The following CYP4A11 variants were observed in gnomAD, a reference collection of about 807,000 sequenced individuals.
CYP4A11 encodes the protein cytochrome P450 4A11.
CYP4A11 carries 52 observed loss-of-function variants against 57.7 expected under a neutral mutation model. That is an observed-to-expected ratio of 0.90 (90% CI 0.72 to 1.14). The LOEUF (loss-of-function observed/expected upper bound fraction) is 1.14. Among genes scored for constraint, CYP4A11 ranks in the 50% most tolerant of loss-of-function variants. The pLI, the probability that CYP4A11 is intolerant of heterozygous loss-of-function variation, is 0.00. For missense variants in CYP4A11, 641 were observed against 642.1 expected, an observed-to-expected ratio of 1.00 and a Z score of 0.02; for synonymous variants, 228 against 247.1, an observed-to-expected ratio of 0.92 and a Z score of 0.72.
chr1:46,940,065 C>G (rs757220321), intron 1 of CYP4A11, among the ~76,000 whole-genome samples: 61 of 151,754 alleles, frequency 4.0e-4, no homozygotes, highest in Non-Finnish European at 7.4e-4. Context: ...TTTACCTGCT[C>G]TGTTCCTACC....
chr1:46,936,709 C>A lies in CYP4A11; in HGVS notation c.465G>T (p.Leu155=), dbSNP rs753186067. Reference sequence around the variant, plus strand: ...CTGCCATGAGCCCCACATAGGGCTTCAGGATGTCATAGTGGAAGGCTGGGG... The same window carrying A: ...CTGCCATGAGCCCCACATAGGGCTTAAGGATGTCATAGTGGAAGGCTGGGG... The part of the protein sequence containing the change: ...MLTPAFHYDI[L]KPYVGLMADS... Residue 155 remains leucine, a synonymous_variant, in exon 4 of 12, where the codon CTG becomes CTT. Coordinates refer to ENST00000310638, the MANE Select transcript of CYP4A11 (RefSeq NM_000778.4). 19 of 1,613,762 alleles carry A rather than the reference C, an allele frequency of 1.2e-5. No individual in the cohort carries two copies. The highest frequency in any genetic ancestry group is 1.6e-5 in the Non-Finnish European group (19 of 1,179,878).
At position 46,938,157 on chromosome 1, in the gene CYP4A11, G is replaced by A; in HGVS notation, c.196-20C>T. Reference sequence around the variant, plus strand: ...TTGGAGCTGTCAACAAGGGTAGACAGATGAACACTTTCATTTACTTCTAGT... The same window carrying A: ...TTGGAGCTGTCAACAAGGGTAGACAAATGAACACTTTCATTTACTTCTAGT... On this transcript the variant is annotated intron_variant, in intron 1 of 11. Transcript: ENST00000310638. The A allele has an allele frequency of 6.2e-7, 1 of 1,614,076 alleles. No individual in the cohort carries two copies. Among genetic ancestry groups the A allele is most frequent in the Non-Finnish European group, 8.5e-7 (1 of 1,179,934 alleles).
Position 46,934,116 on chromosome 1 carries a change from G to C in CYP4A11, c.1089-37C>G. On this transcript the variant is annotated intron_variant, in intron 8 of 11. Coordinates refer to ENST00000310638, the MANE Select transcript of CYP4A11 (RefSeq NM_000778.4). Reference sequence around the variant, plus strand: ...CCATCCTGAACACCAGCAAGGCCTGGGCAGACCAGGGGCCCCTGTGGAGAA... The same window carrying C: ...CCATCCTGAACACCAGCAAGGCCTGCGCAGACCAGGGGCCCCTGTGGAGAA... The C allele has an allele frequency of 1.9e-6, 3 of 1,610,340 alleles. No homozygotes were observed. The South Asian group carries it at 3.3e-5, about 18-fold the overall frequency.
Position 46,940,833 on chromosome 1 carries a change from G to A in CYP4A11, c.195+406C>T, listed in dbSNP as rs565949821. 4.1e-6 allele frequency: 4 copies of A among 985,344 alleles called. No homozygotes were observed. The South Asian group carries it at 1.9e-4, about 46-fold the overall frequency. The allele number at this position is 985,344 out of a possible 1,614,324, so 61.0% of individuals were successfully genotyped here. A position where few individuals can be genotyped will look rare whatever the true frequency, so the allele number is the denominator to read the frequency against. ...CCTCATGGCATGGATTCCTCAGATG[G>A]GTGTCTGTGCTCCCTGGCAAACACA... On this transcript the variant is annotated intron_variant, in intron 1 of 11. Transcript: ENST00000310638.
At position 46,934,492 on chromosome 1, in the gene CYP4A11, C is replaced by A; in HGVS notation, c.858G>T (p.Lys286Asn). The A allele has an allele frequency of 1.9e-6, 3 of 1,613,920 alleles. No homozygotes were observed. The highest frequency in any genetic ancestry group is 1.7e-4 in the Middle Eastern group (1 of 6,056). The change falls in exon 7 of 12, where the codon AAG becomes AAT. Residue 286 changes from lysine (K) to asparagine (N), a missense_variant. Transcript: ENST00000310638. Reference sequence around the variant, plus strand: ...GGATATCCAGAAAATCCAAATGCCTCTTCCTCTTGATCTTCTCCAGCTCCC... The same window carrying A: ...GGATATCCAGAAAATCCAAATGCCTATTCCTCTTGATCTTCTCCAGCTCCC... ...KEGELEKIKRKRHLDFLDILL... is the reference protein window; with the variant it reads ...KEGELEKIKRNRHLDFLDILL...
At chr1:46,939,174 C>G (rs1002944601) in intron 1 of CYP4A11, among the ~76,000 whole-genome samples, 1 of 152,236 alleles carries the variant, frequency 6.6e-6, no homozygotes, top group African/African-American at 2.4e-5. Context: ...ATCAAAGCAA[C>G]TGTCTACCAC....
intron 1 of CYP4A11, chr1:46,940,993 A>G (rs1180516465): frequency 3.1e-5 from 31 of 985,348 alleles, no homozygotes; most frequent in Non-Finnish European, 3.7e-5. Flanking sequence ...CAGGACTGCC[A>G]AGACACACTT....
rs537240596 is a variant in CYP4A11 at position 46,929,878 on chromosome 1, G to A, written c.*237C>T. 234 of 516,330 alleles carry A rather than the reference G, an allele frequency of 4.5e-4. No individual in the cohort carries two copies. The South Asian group carries it at 7.4e-3, about 16-fold the overall frequency. The allele number at this position is 516,330 out of a possible 1,614,324, so 32.0% of individuals were successfully genotyped here. On this transcript the variant is annotated 3_prime_UTR_variant, in exon 12 of 12. Coordinates refer to ENST00000310638, the MANE Select transcript of CYP4A11 (RefSeq NM_000778.4). The stretch of plus-strand genomic sequence containing the variant: ...TACATTATGTCAGACATGCAAGCTC[G>A]GCCTCAGCTTCTCCCAACACTCAGC...
chr1:46,931,922 T>A, intron 11 of CYP4A11: 1 of 984,126 alleles, frequency 1.0e-6, no homozygotes, highest in Non-Finnish European at 1.2e-6. Context: ...AAAAGCAATT[T>A]CAAGTGTGTT....
rs1400486144 is a variant in CYP4A11 at position 46,941,403 on chromosome 1, G to T, written c.31C>A (p.Leu11Ile). 1.9e-6 allele frequency: 3 copies of T among 1,614,168 alleles called. No homozygotes were observed. The Admixed American group carries it at 5.0e-5, about 27-fold the overall frequency. The change falls in exon 1 of 12, where the codon CTC (leucine) becomes ATC (isoleucine). Residue 11 changes from leucine (L) to isoleucine (I), a missense_variant. By Grantham distance (5) the Leu-to-Ile change is conservative (BLOSUM62 2). Coordinates refer to ENST00000310638, the MANE Select transcript of CYP4A11 (RefSeq NM_000778.4). The part of the protein sequence containing the change: MSVSVLSPSR[L>I]LGDVSGILQA... ...AGGATTCCAGAGACATCACCCAGGA[G>T]TCTGCTGGGGCTCAGCACAGAGACA... is the stretch of plus-strand genomic sequence containing the variant.
chr1:46,938,242 T>A (rs1681540984), intron 1 of CYP4A11, 105 bp from the exon 2 acceptor site: 2 of 1,470,338 alleles, frequency 1.4e-6, no homozygotes, highest in African/African-American at 2.8e-5. Context: ...AGGTTAGGGA[T>A]TTAGATCTGT....
rs866228210 is a variant in CYP4A11 at position 46,938,154 on chromosome 1, A to C, written c.196-17T>G. ...CTGTTGGAGCTGTCAACAAGGGTAG[A>C]CAGATGAACACTTTCATTTACTTCT... On this transcript the variant is annotated splice_polypyrimidine_tract_variant and intron_variant, in intron 1 of 11. Coordinates refer to ENST00000310638, the MANE Select transcript of CYP4A11 (RefSeq NM_000778.4). 9 of 1,614,100 alleles carry C rather than the reference A, an allele frequency of 5.6e-6. No homozygotes were observed. In the Middle Eastern group the frequency reaches 1.5e-3, roughly 266 times the overall value.
chr1:46,940,071 C>T (rs1237694734), intron 1 of CYP4A11, among the ~76,000 whole-genome samples: 1 of 151,500 alleles, frequency 6.6e-6, no homozygotes, highest in Non-Finnish European at 1.5e-5. Context: ...TGCTCTGTTC[C>T]TACCCGCCCC....
At position 46,930,341 on chromosome 1, in the gene CYP4A11, G is replaced by T. The variant is rs768434008; in HGVS notation, c.1365-31C>A. On this transcript the variant is annotated intron_variant, in intron 11 of 11. Transcript: ENST00000310638. ...CCAGGTGGAGATAATGAATTGAGAA[G>T]TGTCCTCAGGCCCCATTCTGATCTG... The T allele has an allele frequency of 2.5e-6, 4 of 1,592,668 alleles. No homozygotes were observed. In the East Asian group the frequency reaches 6.7e-5, roughly 27 times the overall value.
chr1:46,936,966 T>C (rs977055290), intron 3 of CYP4A11, among the ~76,000 whole-genome samples, 175 bp from the exon 4 acceptor site: 5 of 152,152 alleles, frequency 3.3e-5, no homozygotes, highest in African/African-American at 4.8e-5. Flanking sequence ...AGGAGGTATA[T>C]TTCAGGCATG....
Position 46,930,070 on chromosome 1 carries a change from G to C in CYP4A11, c.*45C>G, listed in dbSNP as rs944953368. Reference sequence around the variant, plus strand: ...AACAGGATATGGGCAGACAGGAAGGGGACAGAAGCGGGGGTCAGGAAGACA... The same window carrying C: ...AACAGGATATGGGCAGACAGGAAGGCGACAGAAGCGGGGGTCAGGAAGACA... On this transcript the variant is annotated 3_prime_UTR_variant, in exon 12 of 12. Coordinates refer to ENST00000310638, the MANE Select transcript of CYP4A11 (RefSeq NM_000778.4). 7.0e-6 allele frequency: 11 copies of C among 1,573,070 alleles called. No individual in the cohort carries two copies. The highest frequency in any genetic ancestry group is 1.4e-5 in the African/African-American group (1 of 74,064).
chr1:46,933,915 G>C (rs562826137), intron 9 of CYP4A11, 31 bp downstream of exon 9: 5 of 1,613,660 alleles, frequency 3.1e-6, no homozygotes, highest in Non-Finnish European at 2.5e-6. Flanking sequence ...CCTGTGGAGA[G>C]TTTAGGTGAG....
intron 1 of CYP4A11, 56 bp downstream of exon 1, chr1:46,941,183 G>A (rs1570117617): frequency 6.4e-7 from 1 of 1,563,442 alleles, no homozygotes; most frequent in Middle Eastern, 2.2e-4. Flanking sequence ...TGTGACCAGG[G>A]TCTCAGAGCC....
intron 9 of CYP4A11, among the ~76,000 whole-genome samples, chr1:46,933,547 A>G (rs1681168433): frequency 6.6e-6 from 1 of 152,162 alleles, no homozygotes; most frequent in Non-Finnish European, 1.5e-5. Context: ...TCTCTCTGCC[A>G]TCAACCTGAG....
Sources: allele counts gnomAD v4.1 joint callset (sites outside exome capture counted in the v4.1 genomes callset), GRCh38; gene constraint gnomAD v4.1.1; transcripts MANE v1.5; gene names NCBI Gene and HGNC (gene_info 2026-07-23, HGNC 2026-07-21).